Variants in MAF observed in about 807,000 individuals in gnomAD.
The protein encoded by MAF is MAF bZIP transcription factor, also known as transcription factor Maf.
A neutral mutation model predicts 22.0 loss-of-function variants in MAF; 10 were observed. The observed-to-expected ratio is 0.45, with a 90% CI of 0.28 to 0.77. MAF has a LOEUF of 0.77. Ranked by LOEUF, MAF falls within the 30% of genes least tolerant of loss-of-function variation. The pLI is 0.12. For synonymous variants in MAF, 337 were observed against 255.8 expected, an observed-to-expected ratio of 1.32 and a Z score of -3.03; for missense variants, 544 against 548.4, an observed-to-expected ratio of 0.99 and a Z score of 0.08.
chr16:79,487,776 C>T, the MAF span, among the ~76,000 whole-genome samples: 2 of 152,204 alleles, frequency 1.3e-5, no homozygotes, highest in Admixed American at 6.5e-5. Flanking sequence ...CCCTGGGTGA[C>T]TCTGGAGCAC....
At chr16:79,229,183 A>G in the MAF span, 3 of 151,844 alleles carry the variant, frequency 2.0e-5, no homozygotes, top group African/African-American at 7.3e-5. Flanking sequence ...TTCTGAGGAT[A>G]AAGGCCACAG....
chr16:79,243,659 C>T, the MAF span, among the ~76,000 whole-genome samples: 1 of 151,990 alleles, frequency 6.6e-6, no homozygotes, highest in Non-Finnish European at 1.5e-5. Flanking sequence ...TGGTACCATT[C>T]CCTCTAAAAC....
At chr16:79,347,526 G>T in the MAF span, among the ~76,000 whole-genome samples, 4 of 152,218 alleles carry the variant, frequency 2.6e-5, no homozygotes, top group Non-Finnish European at 5.9e-5. Flanking sequence ...CATCTTCTCT[G>T]ACACGGCTCC....
At chr16:79,553,961 C>T in the MAF span, among the ~76,000 whole-genome samples, 2 of 152,118 alleles carry the variant, frequency 1.3e-5, no homozygotes, top group Non-Finnish European at 2.9e-5. Context: ...TGGTGGTGCA[C>T]ACCTGTAATC....
the MAF span, among the ~76,000 whole-genome samples, chr16:79,213,162 G>T: frequency 6.6e-6 from 1 of 152,124 alleles, no homozygotes; most frequent in Non-Finnish European, 1.5e-5. Flanking sequence ...CTGGCAAGAC[G>T]GAGAAAATGC....
the MAF span, among the ~76,000 whole-genome samples, chr16:79,295,948 A>T: frequency 6.6e-6 from 1 of 152,286 alleles, no homozygotes; most frequent in South Asian, 2.1e-4. Context: ...GGGCCTTCCT[A>T]AAGTCAGTAC....
chr16:79,437,136 CTCTCTCTCTCTGTGTGTGTGTGTGTG>C, the MAF span, among the ~76,000 whole-genome samples: 1 of 142,628 alleles, frequency 7.0e-6, no homozygotes, highest in Non-Finnish European at 1.5e-5. Context: ...GGAGAAAGCT[CTCTCTCTCTCTGTGTGTGTGTGTGTG>C]TGTGTGTGTG....
the MAF span, among the ~76,000 whole-genome samples, chr16:79,520,805 A>T: frequency 1.3e-5 from 2 of 152,138 alleles, no homozygotes; most frequent in Admixed American, 1.3e-4. Context: ...ACTGCTGGGA[A>T]GGTTGTTATT....
the MAF span, among the ~76,000 whole-genome samples, chr16:79,338,064 G>C: frequency 1.2e-4 from 19 of 152,322 alleles, no homozygotes; most frequent in African/African-American, 4.3e-4. Flanking sequence ...GGAGCCCATA[G>C]TCCAATGGGG....
At chr16:79,259,592 G>A in the MAF span, among the ~76,000 whole-genome samples, 1 of 152,088 alleles carries the variant, frequency 6.6e-6, no homozygotes, top group African/African-American at 2.4e-5. Context: ...TCATTGCTGG[G>A]TGAAAAAAGG....
the MAF span, among the ~76,000 whole-genome samples, chr16:79,230,002 A>T: frequency 3.2e-4 from 39 of 121,330 alleles, 1 homozygote; most frequent in African/African-American, 1.4e-3. Context: ...TTGCTTACAG[A>T]AAAAAAAAGA....
chr16:79,329,012 G>A, the MAF span, among the ~76,000 whole-genome samples: 2 of 151,814 alleles, frequency 1.3e-5, no homozygotes, highest in African/African-American at 2.4e-5. Flanking sequence ...TGAAGGAGCT[G>A]TTTTGCAAGC....
the MAF span, among the ~76,000 whole-genome samples, chr16:79,236,777 C>T: frequency 6.6e-6 from 1 of 151,774 alleles, no homozygotes. Context: ...GATCATAGTT[C>T]GTTCTTATTA....
chr16:79,554,215 T>A, the MAF span, among the ~76,000 whole-genome samples: 1 of 152,062 alleles, frequency 6.6e-6, no homozygotes, highest in South Asian at 2.1e-4. Flanking sequence ...AGTAGAAGGG[T>A]TTCCTAATGA....
At chr16:79,598,733 C>A (rs773360670) in intron 1 of MAF, 52 bp downstream of exon 1, 2 of 1,611,738 alleles carry the variant, frequency 1.2e-6, no homozygotes, top group East Asian at 2.2e-5. Flanking sequence ...CGAGCCGGAC[C>A]CCCGCGGAGC....
the MAF span, among the ~76,000 whole-genome samples, chr16:79,543,430 T>C: frequency 1.3e-5 from 2 of 152,182 alleles, no homozygotes; most frequent in African/African-American, 4.8e-5. Flanking sequence ...CAAGAGCCAC[T>C]TACACAAAGA....
the MAF span, among the ~76,000 whole-genome samples, chr16:79,547,004 C>T: frequency 6.6e-6 from 1 of 152,234 alleles, no homozygotes; most frequent in South Asian, 2.1e-4. Context: ...CATTTTAATT[C>T]ACCTCTGTGT....
At chr16:79,296,038 C>G in the MAF span, among the ~76,000 whole-genome samples, 840 of 152,330 alleles carry the variant, frequency 5.5e-3, 3 homozygotes, top group Admixed American at 6.7e-3. Flanking sequence ...TGAATCAGTC[C>G]TCCATGTGGG....
the MAF span, among the ~76,000 whole-genome samples, chr16:79,444,820 T>C: frequency 4.6e-5 from 7 of 152,154 alleles, no homozygotes; most frequent in Non-Finnish European, 7.3e-5. Context: ...TCAGAGTCCA[T>C]TGGAAATCCC....
Sources: allele counts gnomAD v4.1 joint callset (sites outside exome capture counted in the v4.1 genomes callset), GRCh38; gene constraint gnomAD v4.1.1; transcripts MANE v1.5; gene names NCBI Gene and HGNC (gene_info 2026-07-23, HGNC 2026-07-21).